Variants in OSBPL10 observed in about 807,000 individuals in gnomAD.
OSBPL10 encodes the protein oxysterol-binding protein-related protein 10.
In OSBPL10, 49 loss-of-function variants were observed where a neutral mutation model predicts 81.7. The ratio of observed to expected loss-of-function variants is 0.60; its 90% CI spans 0.48 to 0.76. The LOEUF (loss-of-function observed/expected upper bound fraction) is 0.76. OSBPL10 is among the 30% of genes least tolerant of loss of function. OSBPL10 has a pLI of 0.00. For synonymous variants in OSBPL10, 419 were observed against 383.6 expected (o/e 1.09, Z -1.08); for missense variants, 923 against 987.8 (o/e 0.93, Z 0.88).
At chr3:31,989,203 G>T in intron 2 of OSBPL10, 2 of 1,614,138 alleles carry the variant, frequency 1.2e-6, no homozygotes, top group Non-Finnish European at 1.7e-6. Flanking sequence ...GAAATGCCTG[G>T]ACCCTACGCA....
chr3:31,702,654 G>C, intron 6 of OSBPL10, 146 bp from the exon 7 acceptor site: 2 of 1,122,210 alleles, frequency 1.8e-6, no homozygotes. Context: ...TATTGGCCAC[G>C]GGGCAGACAA....
At chr3:31,765,746 G>GT (rs1167836180) in intron 4 of OSBPL10, among the ~76,000 whole-genome samples, 107 of 152,014 alleles carry the variant, frequency 7.0e-4, no homozygotes, top group African/African-American at 2.5e-3. Flanking sequence ...CCAGGTTTGG[G>GT]TTTTTTTTCT....
intron 2 of OSBPL10, among the ~76,000 whole-genome samples, chr3:32,037,889 G>A (rs1392803176): frequency 6.6e-6 from 1 of 152,128 alleles, no homozygotes; most frequent in Admixed American, 6.6e-5. Context: ...ATATATCCTA[G>A]GAAAGACTCT....
At chr3:32,026,095 TAGATAGATAG>T (rs1483278475) in intron 2 of OSBPL10, among the ~76,000 whole-genome samples, 3 of 81,404 alleles carry the variant, frequency 3.7e-5, no homozygotes, top group Non-Finnish European at 8.4e-5. Context: ...AGATAGATGA[TAGATAGATAG>T]AGATAGAGAT....
At chr3:31,832,556 T>C (rs1456421138) in intron 3 of OSBPL10, among the ~76,000 whole-genome samples, 3 of 152,178 alleles carry the variant, frequency 2.0e-5, no homozygotes. Flanking sequence ...AAACAAAATG[T>C]ATGAGACAGT....
intron 2 of OSBPL10, among the ~76,000 whole-genome samples, chr3:31,988,379 G>T (rs867971954): frequency 6.6e-6 from 1 of 152,156 alleles, no homozygotes; most frequent in Admixed American, 6.5e-5. Context: ...AGTAGGATGA[G>T]TGTGTTGTAC....
At chr3:31,704,581 G>A (rs960464299) in intron 6 of OSBPL10, 12 of 152,122 alleles carry the variant, frequency 7.9e-5, no homozygotes, top group Non-Finnish European at 1.3e-4. Flanking sequence ...TCCATTTTGC[G>A]GGCAATTATT....
chr3:31,663,437 C>T, intron 11 of OSBPL10: 1 of 987,508 alleles, frequency 1.0e-6, no homozygotes, highest in Non-Finnish European at 1.2e-6. Context: ...ATTCTGTTCT[C>T]AGAGTGCTTC....
intron 6 of OSBPL10, among the ~76,000 whole-genome samples, chr3:31,730,843 G>A (rs534437779): frequency 1.9e-4 from 29 of 152,250 alleles, no homozygotes; most frequent in Middle Eastern, 3.4e-3. Flanking sequence ...TGTTCTAAAC[G>A]GTAAACCAGA....
rs1021514345 is a variant in OSBPL10 at position 31,747,657 on chromosome 3, T to C, written c.940+253A>G. Among the ~76,000 whole-genome samples, 33 of 152,146 alleles carry C rather than the reference T, an allele frequency of 2.2e-4. 1 individual carries two copies. The highest frequency in any genetic ancestry group is 8.0e-4 in the African/African-American group (33 of 41,420). Reference sequence around the variant, plus strand: ...ACATTTTTAACTTCTAAAATAAAAATATATCCCAAACAGTAGAGGAAGGGC... The same window carrying C: ...ACATTTTTAACTTCTAAAATAAAAACATATCCCAAACAGTAGAGGAAGGGC... On this transcript the variant is annotated intron_variant, in intron 5 of 11. Coordinates refer to ENST00000396556, the MANE Select transcript of OSBPL10 (RefSeq NM_017784.5).
chr3:31,980,216 C>A (rs1369272408), intron 1 of OSBPL10, among the ~76,000 whole-genome samples: 2 of 151,948 alleles, frequency 1.3e-5, no homozygotes, highest in African/African-American at 4.8e-5. Context: ...GTTGGCGAGG[C>A]TGGTCTCGAA....
At chr3:31,870,963 G>A (rs1314484345) in intron 3 of OSBPL10, among the ~76,000 whole-genome samples, 1 of 152,128 alleles carries the variant, frequency 6.6e-6, no homozygotes, top group Non-Finnish European at 1.5e-5. Flanking sequence ...ATCTGATGGG[G>A]AGGTGGAGAA....
In OSBPL10 at chr3:31,880,415, G is replaced by T. The variant is rs532921672; in HGVS notation, c.282-585C>A. Reference sequence around the variant, plus strand: ...AGGAATCCCCCTGCTCTGGGACGTTGAAATGCCACTGAACTCTACATCCAT... The same window carrying T: ...AGGAATCCCCCTGCTCTGGGACGTTTAAATGCCACTGAACTCTACATCCAT... On this transcript the variant is annotated intron_variant, in intron 1 of 11. Transcript: ENST00000396556. Among the ~76,000 whole-genome samples the T allele has an allele frequency of 2.0e-5, 3 of 152,314 alleles. No individual in the cohort carries two copies. The South Asian group carries it at 6.2e-4, about 32-fold the overall frequency.
chr3:32,057,060 A>C (rs1253234618), intron 1 of OSBPL10, among the ~76,000 whole-genome samples: 1 of 152,224 alleles, frequency 6.6e-6, no homozygotes, highest in African/African-American at 2.4e-5. Context: ...AACATCAGGA[A>C]GTTACTCTAT....
chr3:31,830,658 T>C (rs923879789), intron 3 of OSBPL10, among the ~76,000 whole-genome samples: 1 of 152,228 alleles, frequency 6.6e-6, no homozygotes, highest in Non-Finnish European at 1.5e-5. Context: ...CTCCCTGGCT[T>C]TCTCGGCCTC....
rs181728246 is a variant in OSBPL10, at chr3:31,797,800, C to G, written c.729+32240G>C. 4.7e-4 allele frequency: 214 copies of G among 456,526 alleles called. 2 individuals are homozygous for G. The highest frequency in any genetic ancestry group is 3.8e-3 in the African/African-American group (190 of 50,176). The allele number at this position is 456,526 out of a possible 1,614,324, so 28.3% of individuals were successfully genotyped here. A position where few individuals can be genotyped will look rare whatever the true frequency, so the allele number is the denominator to read the frequency against. On this transcript the variant is annotated intron_variant, in intron 4 of 11. Coordinates refer to ENST00000396556, the MANE Select transcript of OSBPL10 (RefSeq NM_017784.5). ...GAGTCTTGACGATGCCAATGACTCT[C>G]TGTGTGACCTCACACATGTTGTTGA...
intron 2 of OSBPL10, among the ~76,000 whole-genome samples, chr3:32,027,743 C>A (rs1316306804): frequency 6.6e-6 from 1 of 152,192 alleles, no homozygotes; most frequent in Non-Finnish European, 1.5e-5. Flanking sequence ...ATTCCCTTGC[C>A]CAAGTCCCCA....
chr3:31,678,050 C>T (rs1700527858), intron 8 of OSBPL10, among the ~76,000 whole-genome samples: 2 of 142,166 alleles, frequency 1.4e-5, no homozygotes, highest in Non-Finnish European at 3.0e-5. Context: ...CACTGCAGTC[C>T]GCAGTCCGGC....
At chr3:31,950,134 G>GT (rs747874628) in intron 1 of OSBPL10, among the ~76,000 whole-genome samples, 17 of 152,136 alleles carry the variant, frequency 1.1e-4, no homozygotes, top group Non-Finnish European at 2.2e-4. Flanking sequence ...TGGAAAAGAA[G>GT]TAAGAACTTG....
Sources: allele counts gnomAD v4.1 joint callset (sites outside exome capture counted in the v4.1 genomes callset), GRCh38; gene constraint gnomAD v4.1.1; transcripts MANE v1.5; gene names NCBI Gene and HGNC (gene_info 2026-07-23, HGNC 2026-07-21).